The following UBL3 variants were observed in gnomAD, a reference collection of about 807,000 sequenced individuals.
UBL3 encodes the protein ubiquitin like 3.
Under a neutral mutation model 18.4 loss-of-function variants are expected in UBL3, and 6 were observed. That is an observed-to-expected ratio of 0.33 (90% CI 0.18 to 0.64). UBL3 has a LOEUF of 0.64. UBL3 is among the 30% of genes least tolerant of loss of function. The pLI is 0.76. For missense variants in UBL3, 109 were observed against 142.9 expected, an observed-to-expected ratio of 0.76 and a Z score of 1.21; for synonymous variants, 49 against 46.6, an observed-to-expected ratio of 1.05 and a Z score of -0.21.
intron 3 of UBL3, among the ~76,000 whole-genome samples, chr13:29,770,724 G>A (rs1876818884): frequency 6.6e-6 from 1 of 151,568 alleles, no homozygotes; most frequent in Admixed American, 6.6e-5. Context: ...CTAGAACATG[G>A]TCCCATCCTT....
chr13:29,849,727 C>A lies in UBL3; in HGVS notation c.-189G>T, dbSNP rs564232755. The A allele has an allele frequency of 5.7e-6, 4 of 702,054 alleles. No homozygotes were observed. 43.5% of individuals were successfully genotyped at this position (702,054 alleles called of 1,614,324 possible). A position where few individuals can be genotyped will look rare whatever the true frequency, so the allele number is the denominator to read the frequency against. On this transcript the variant is annotated 5_prime_UTR_variant, in exon 1 of 5. Coordinates refer to ENST00000380680, the MANE Select transcript of UBL3 (RefSeq NM_007106.4). The stretch of plus-strand genomic sequence containing the variant: ...AGGTTCTGGTTCGAAGAGGAACAAT[C>A]CCCAGGAGCTGTGTGGCCGGAGCAG...
chr13:29,843,423 C>G (rs181969304), intron 1 of UBL3, among the ~76,000 whole-genome samples: 122 of 151,946 alleles, frequency 8.0e-4, no homozygotes, highest in African/African-American at 2.7e-3. Context: ...TTTTTTAAAT[C>G]TTAGTTTCTT....
At chr13:29,811,033 C>T (rs918965833) in intron 1 of UBL3, among the ~76,000 whole-genome samples, 2 of 152,016 alleles carry the variant, frequency 1.3e-5, no homozygotes, top group African/African-American at 4.8e-5. Flanking sequence ...AGGGTCATTT[C>T]TCAAAGCACT....
At chr13:29,802,553 G>C (rs1877799283) in intron 1 of UBL3, among the ~76,000 whole-genome samples, 2 of 152,236 alleles carry the variant, frequency 1.3e-5, no homozygotes, top group African/African-American at 4.8e-5. Flanking sequence ...CTAATCTAAG[G>C]AGTACAATAA....
chr13:29,850,235 G>T lies in UBL3; in HGVS notation c.-697C>A. 1 of 153,060 alleles carries T rather than the reference G, an allele frequency of 6.5e-6. No individual in the cohort carries two copies. The highest frequency in any genetic ancestry group is 2.0e-4 in the South Asian group (1 of 5,036). The allele number at this position is 153,060 out of a possible 1,614,324, so 9.5% of individuals were successfully genotyped here. On this transcript the variant is annotated 5_prime_UTR_variant, in exon 1 of 5. Coordinates refer to ENST00000380680, the MANE Select transcript of UBL3 (RefSeq NM_007106.4). ...GGGGACCGACAGCGCGGGGGTGCTC[G>T]GGGCCGGCCGGGACACTCCACAGCC... is the stretch of plus-strand genomic sequence containing the variant.
At chr13:29,811,410 A>C (rs918934564) in intron 1 of UBL3, among the ~76,000 whole-genome samples, 1 of 152,114 alleles carries the variant, frequency 6.6e-6, no homozygotes, top group African/African-American at 2.4e-5. Flanking sequence ...AGTTAAGAGG[A>C]CATTAGAGCT....
At chr13:29,779,683 C>T (rs1877095801) in intron 1 of UBL3, among the ~76,000 whole-genome samples, 1 of 152,232 alleles carries the variant, frequency 6.6e-6, no homozygotes, top group South Asian at 2.1e-4. Context: ...GAGATAAAGA[C>T]CTGTATGATC....
intron 1 of UBL3, among the ~76,000 whole-genome samples, chr13:29,831,745 A>G (rs913916005): frequency 6.6e-6 from 1 of 152,074 alleles, no homozygotes; most frequent in Admixed American, 6.5e-5. Flanking sequence ...GAAGAAAAAA[A>G]CTAAAAAATC....
chr13:29,783,743 GCTAAGT>G (rs1032517695), intron 1 of UBL3, among the ~76,000 whole-genome samples: 1 of 152,044 alleles, frequency 6.6e-6, no homozygotes, highest in Non-Finnish European at 1.5e-5. Flanking sequence ...TTGAAGCCAA[GCTAAGT>G]CTAAGTATAA....
In UBL3 at chr13:29,766,080, A is replaced by G. The variant is rs1876670544; in HGVS notation, c.*1175T>C. ...AAGAATTTCTTCCCAGTGAAAAAAT[A>G]TAAAAATCTTTCATATTTTTACAGG... On this transcript the variant is annotated 3_prime_UTR_variant, in exon 5 of 5. Transcript: ENST00000380680. 6.5e-6 allele frequency: 1 copy of G among 152,732 alleles called. No homozygotes were observed. Among genetic ancestry groups the G allele is most frequent in the African/African-American group, 2.4e-5 (1 of 41,586 alleles). 9.5% of individuals were successfully genotyped at this position (152,732 alleles called of 1,614,324 possible). A position where few individuals can be genotyped will look rare whatever the true frequency, so the allele number is the denominator to read the frequency against.
chr13:29,825,746 G>T (rs535129480), intron 1 of UBL3, among the ~76,000 whole-genome samples: 2 of 152,334 alleles, frequency 1.3e-5, no homozygotes, highest in East Asian at 3.9e-4. Context: ...AATAGAAGTG[G>T]TGAGAGAGGG....
At chr13:29,839,804 G>A (rs1384300318) in intron 1 of UBL3, among the ~76,000 whole-genome samples, 2 of 151,884 alleles carry the variant, frequency 1.3e-5, no homozygotes, top group Admixed American at 1.3e-4. Context: ...GCGGGTGCCT[G>A]TAGTCCCAGT....
At chr13:29,816,005 T>A (rs1348651040) in intron 1 of UBL3, among the ~76,000 whole-genome samples, 4 of 152,162 alleles carry the variant, frequency 2.6e-5, no homozygotes, top group Non-Finnish European at 5.9e-5. Context: ...TTAGGACATA[T>A]TAGGTAGGTG....
intron 1 of UBL3, among the ~76,000 whole-genome samples, chr13:29,810,263 G>T (rs1462163277): frequency 6.6e-6 from 1 of 152,100 alleles, no homozygotes; most frequent in Non-Finnish European, 1.5e-5. Flanking sequence ...GAATTCAGAG[G>T]AGATTGTCTG....
intron 1 of UBL3, among the ~76,000 whole-genome samples, chr13:29,782,050 T>C (rs991453365): frequency 1.3e-5 from 2 of 151,866 alleles, no homozygotes; most frequent in Non-Finnish European, 2.9e-5. Flanking sequence ...CTACTTTTTA[T>C]AGAAAACATT....
chr13:29,776,257 CTTTCTTTT>C (rs1876988091), intron 2 of UBL3, among the ~76,000 whole-genome samples: 1 of 97,180 alleles, frequency 1.0e-5, no homozygotes, highest in South Asian at 3.7e-4. Flanking sequence ...TTTTTCTTTT[CTTTCTTTT>C]TTTTTTTTTT....
intron 1 of UBL3, among the ~76,000 whole-genome samples, chr13:29,848,662 C>T (rs1452734359): frequency 6.6e-6 from 1 of 152,148 alleles, no homozygotes; most frequent in Non-Finnish European, 1.5e-5. Context: ...GTCCTTAGGA[C>T]TGCAAAATGT....
intron 1 of UBL3, among the ~76,000 whole-genome samples, chr13:29,848,569 C>T (rs1481641925): frequency 6.6e-6 from 1 of 152,080 alleles, no homozygotes; most frequent in Non-Finnish European, 1.5e-5. Context: ...CAAATGTTAA[C>T]ATATGTGAGC....
At chr13:29,775,090 T>C (rs542147447) in intron 2 of UBL3, among the ~76,000 whole-genome samples, 7 of 152,342 alleles carry the variant, frequency 4.6e-5, no homozygotes, top group African/African-American at 1.4e-4. Context: ...TCAAACACTA[T>C]GTAGGAACAT....
Sources: allele counts gnomAD v4.1 joint callset (sites outside exome capture counted in the v4.1 genomes callset), GRCh38; gene constraint gnomAD v4.1.1; transcripts MANE v1.5; gene names NCBI Gene and HGNC (gene_info 2026-07-23, HGNC 2026-07-21).